Variants in SPAG16 observed in about 807,000 individuals in gnomAD.
SPAG16 encodes the protein sperm-associated antigen 16 protein.
A neutral mutation model predicts 80.4 loss-of-function variants in SPAG16; 86 were observed. That is an observed-to-expected ratio of 1.07 (90% CI 0.90 to 1.28). The LOEUF is 1.28. SPAG16 is among the 50% of genes most tolerant of loss of function. The pLI is 0.00. For missense variants in SPAG16, 870 were observed against 765.3 expected (o/e 1.14, Z -1.61); for synonymous variants, 294 against 265.9 (o/e 1.11, Z -1.03).
intron 15 of SPAG16, among the ~76,000 whole-genome samples, chr2:214,401,438 AT>A: frequency 6.6e-6 from 1 of 151,916 alleles, no homozygotes; most frequent in East Asian, 1.9e-4. Flanking sequence ...GCACACAATG[AT>A]TTTTGTCTCT....
chr2:213,392,909 G>A (rs937988278), intron 9 of SPAG16, among the ~76,000 whole-genome samples: 3 of 151,496 alleles, frequency 2.0e-5, no homozygotes, highest in Non-Finnish European at 4.4e-5. Flanking sequence ...AAACATCTCT[G>A]AGGAAATATA....
At chr2:213,400,868 A>AT (rs1213379158) in intron 9 of SPAG16, among the ~76,000 whole-genome samples, 1 of 152,016 alleles carries the variant, frequency 6.6e-6, no homozygotes, top group Non-Finnish European at 1.5e-5. Flanking sequence ...GCTCAGTGGC[A>AT]TGATCGCGGC....
chr2:213,707,307 G>T (rs971429001), intron 10 of SPAG16, among the ~76,000 whole-genome samples: 1 of 152,094 alleles, frequency 6.6e-6, no homozygotes, highest in Non-Finnish European at 1.5e-5. Context: ...CATTAAAAAC[G>T]TATTTCTTCA....
chr2:214,243,650 ATTTATG>A (rs946952147), intron 15 of SPAG16, among the ~76,000 whole-genome samples: 2 of 152,138 alleles, frequency 1.3e-5, no homozygotes, highest in Non-Finnish European at 2.9e-5. Context: ...TTGTTTGGGA[ATTTATG>A]TTTATATTTA....
chr2:213,918,820 G>C (rs1346900305), intron 11 of SPAG16, among the ~76,000 whole-genome samples: 1 of 151,726 alleles, frequency 6.6e-6, no homozygotes, highest in Non-Finnish European at 1.5e-5. Flanking sequence ...CATTTTTTTT[G>C]TCTGTGCAGG....
At chr2:213,313,759 A>G (rs2063296457) in intron 4 of SPAG16, among the ~76,000 whole-genome samples, 1 of 151,824 alleles carries the variant, frequency 6.6e-6, no homozygotes. Context: ...AGTAATAAAC[A>G]TGTCAGCCAT....
intron 11 of SPAG16, among the ~76,000 whole-genome samples, chr2:213,880,043 T>G (rs957182276): frequency 6.6e-6 from 1 of 152,148 alleles, no homozygotes; most frequent in Non-Finnish European, 1.5e-5. Flanking sequence ...GTTTTAAGTT[T>G]TTGAGAAATC....
chr2:214,176,046 A>C (rs1411203094), intron 15 of SPAG16, among the ~76,000 whole-genome samples: 1 of 151,504 alleles, frequency 6.6e-6, no homozygotes, highest in Admixed American at 6.6e-5. Context: ...ATACTTTGCC[A>C]AGGAGCTATT....
At chr2:214,258,214 C>T (rs1395687567) in intron 15 of SPAG16, among the ~76,000 whole-genome samples, 1 of 151,456 alleles carries the variant, frequency 6.6e-6, no homozygotes, top group African/African-American at 2.4e-5. Context: ...ACACTGTACC[C>T]AATGTGTAGT....
intron 15 of SPAG16, among the ~76,000 whole-genome samples, chr2:214,226,091 T>C (rs576426915): frequency 6.6e-6 from 1 of 152,230 alleles, no homozygotes; most frequent in African/African-American, 2.4e-5. Context: ...CTGCATAACA[T>C]ACTACTTCAA....
intron 14 of SPAG16, among the ~76,000 whole-genome samples, chr2:214,126,029 TC>T (rs2054467504): frequency 4.2e-5 from 2 of 47,400 alleles, no homozygotes; most frequent in Admixed American, 2.3e-4. Flanking sequence ...CTTCCTTCCT[TC>T]CTTCCTTCCT....
At chr2:214,080,364 C>T (rs940545896) in intron 13 of SPAG16, among the ~76,000 whole-genome samples, 18 of 151,332 alleles carry the variant, frequency 1.2e-4, no homozygotes, top group African/African-American at 4.1e-4. Context: ...TTTGGGAGGC[C>T]GAGGCAGGCG....
At chr2:214,008,342 A>G (rs1165374135) in intron 12 of SPAG16, among the ~76,000 whole-genome samples, 3 of 152,114 alleles carry the variant, frequency 2.0e-5, no homozygotes, top group Middle Eastern at 6.8e-3. Context: ...TTGATTTCCA[A>G]TGTTTGATTC....
chr2:214,085,444 C>T (rs1472809036), intron 13 of SPAG16, among the ~76,000 whole-genome samples: 1 of 114,062 alleles, frequency 8.8e-6, no homozygotes, highest in Admixed American at 8.9e-5. Flanking sequence ...ATGAAAGTCT[C>T]CATATGTTGG....
In SPAG16 at chr2:213,696,966, T is replaced by C. The variant is rs373066811; in HGVS notation, c.1071-165519T>C. Among the ~76,000 whole-genome samples, 8 of 152,244 alleles carry C rather than the reference T, an allele frequency of 5.3e-5. No individual in the cohort carries two copies. The East Asian group carries it at 1.2e-3, about 22-fold the overall frequency. On this transcript the variant is annotated intron_variant, in intron 10 of 15. Transcript: ENST00000331683. ...ATGTATGCTGCTAGGATTGATTCAA[T>C]AGAAACAAATTGATGATGTAGGAGG...
intron 13 of SPAG16, among the ~76,000 whole-genome samples, chr2:214,048,997 A>G (rs1031190180): frequency 6.9e-6 from 1 of 144,156 alleles, no homozygotes; most frequent in Non-Finnish European, 1.5e-5. Flanking sequence ...GTGAAATTGT[A>G]CAAGCATAGC....
intron 9 of SPAG16, among the ~76,000 whole-genome samples, chr2:213,415,293 C>T (rs1292004405): frequency 6.6e-6 from 1 of 152,210 alleles, no homozygotes; most frequent in Non-Finnish European, 1.5e-5. Flanking sequence ...GACAGCTGAC[C>T]TGGGCCAGGC....
At position 213,336,022 on chromosome 2, in the gene SPAG16, C is replaced by T. The variant is rs549498929; in HGVS notation, c.537-4141C>T. On this transcript the variant is annotated intron_variant, in intron 5 of 15. Transcript: ENST00000331683. ...ACCAAGCTTTTCTCATTGGGACTGACTAGGTGGTTGGCGCAACCCAGGGAG... is the reference window on the plus strand; with the variant it reads ...ACCAAGCTTTTCTCATTGGGACTGATTAGGTGGTTGGCGCAACCCAGGGAG... Among the ~76,000 whole-genome samples the T allele has an allele frequency of 3.3e-5, 5 of 152,054 alleles. No homozygotes were observed. The East Asian group carries it at 7.8e-4, about 24-fold the overall frequency.
At chr2:214,126,533 T>C (rs148921459) in intron 14 of SPAG16, among the ~76,000 whole-genome samples, 225 of 151,900 alleles carry the variant, frequency 1.5e-3, no homozygotes, top group Non-Finnish European at 2.8e-3. Context: ...TTATCAACTT[T>C]ATGTATATAA....
Sources: allele counts gnomAD v4.1 joint callset (sites outside exome capture counted in the v4.1 genomes callset), GRCh38; gene constraint gnomAD v4.1.1; transcripts MANE v1.5; gene names NCBI Gene and HGNC (gene_info 2026-07-23, HGNC 2026-07-21).